Variants in ADGRG4 observed in about 807,000 individuals in gnomAD.
ADGRG4 encodes the protein adhesion G protein-coupled receptor G4, also known as G protein-coupled receptor 112.
ADGRG4 carries 122 observed loss-of-function variants against 126.2 expected under a neutral mutation model. The ratio of observed to expected loss-of-function variants is 0.97; its 90% CI spans 0.83 to 1.12. The LOEUF is 1.12. Among genes scored for constraint, ADGRG4 ranks in the 50% most tolerant of loss-of-function variants. The pLI is 0.00. For synonymous variants in ADGRG4, 943 were observed against 838.7 expected (o/e 1.12, Z -2.15); for missense variants, 2,481 against 2,251.8 (o/e 1.10, Z -2.06).
At chrX:136,380,606 CTT>C (rs1415870534) in intron 15 of ADGRG4, among the ~76,000 whole-genome samples, 90 of 43,611 alleles carry the variant, frequency 2.1e-3, no homozygotes, top group Admixed American at 5.8e-3. Flanking sequence ...TCCTCCTCCT[CTT>C]CTTCTTCTTC....
At chrX:136,414,432 T>C (rs1364277594) in intron 25 of ADGRG4, 105 bp downstream of exon 25, 2 of 636,209 alleles carry the variant, frequency 3.1e-6, no homozygotes, top group Non-Finnish European at 4.9e-6. Context: ...CAAAACTAAA[T>C]GCACATGTGC....
rs768308325 is a variant in ADGRG4 at position 136,315,608 on chromosome X, C to A, written c.70+6761C>A. On this transcript the variant is annotated intron_variant, in intron 4 of 25. Transcript: ENST00000394143. ...GTATTACCAGGTGATTAGCTGGGTT[C>A]TGAGCCCTACACAGTGTTGAGTCAA... Among the ~76,000 whole-genome samples the A allele has an allele frequency of 2.7e-5, 3 of 111,564 alleles. No individual in the cohort carries two copies. The East Asian group carries it at 8.5e-4, about 31-fold the overall frequency.
At chrX:136,395,891 T>C (rs2075344415) in intron 19 of ADGRG4, among the ~76,000 whole-genome samples, 1 of 112,086 alleles carries the variant, frequency 8.9e-6, no homozygotes, top group Admixed American at 9.5e-5. Context: ...ATTGCACAAC[T>C]TTCAGGCAAA....
chrX:136,346,484 A>T lies in ADGRG4; in HGVS notation c.2778A>T (p.Glu926Asp). 8.3e-7 allele frequency: 1 copy of T among 1,210,608 alleles called. No homozygotes were observed. The highest frequency in any genetic ancestry group is 1.1e-6 in the Non-Finnish European group (1 of 894,606). Residue 926 changes from glutamate (E) to aspartate (D), a missense_variant, in exon 6 of 26, where the codon GAA becomes GAT. Transcript: ENST00000394143. ...VKTTPRSSYN[E>D]MTEMFNFNHT... Reference sequence around the variant, plus strand: ...CCACACCTAGGAGTTCATACAATGAAATGACAGAAATGTTTAATTTTAACC... The same window carrying T: ...CCACACCTAGGAGTTCATACAATGATATGACAGAAATGTTTAATTTTAACC...
chrX:136,341,786 C>T (rs2074980637), intron 5 of ADGRG4, among the ~76,000 whole-genome samples: 1 of 111,737 alleles, frequency 8.9e-6, no homozygotes, highest in Non-Finnish European at 1.9e-5. Flanking sequence ...CTAATGACCA[C>T]AAAATCCTGA....
intron 10 of ADGRG4, among the ~76,000 whole-genome samples, 162 bp from the exon 11 acceptor site, chrX:136,359,130 T>A (rs763354791): frequency 1.8e-5 from 2 of 112,938 alleles, no homozygotes; most frequent in South Asian, 7.3e-4. Context: ...TTCAGTATGC[T>A]GTCTTCCATC....
rs750586223 is a variant in ADGRG4 at position 136,380,544 on chromosome X, C to CTCT, written c.7777-7175_7777-7173dup. ...CTGCTGCTGCTGCCTCCTCCTCCTC[C>CTCT]TCTTCTTCTTCTTCTTCTTCTTCCT... On this transcript the variant is annotated intron_variant, in intron 15 of 25. Transcript: ENST00000394143. Among the ~76,000 whole-genome samples the CTCT allele has an allele frequency of 1.8e-3, 191 of 103,439 alleles. 1 individual carries two copies. The highest frequency in any genetic ancestry group is 5.5e-3 in the African/African-American group (157 of 28,344). The allele number at this position is 103,439 out of a possible 115,157, so 89.8% of individuals were successfully genotyped here.
chrX:136,342,921 T>TGAGAGAGA (rs1556006930), intron 5 of ADGRG4, among the ~76,000 whole-genome samples: 138 of 84,303 alleles, frequency 1.6e-3, no homozygotes, highest in African/African-American at 5.6e-3. Context: ...TGTGTGTGTG[T>TGAGAGAGA]GAGAGAGAGA....
rs1424711651 is a variant in ADGRG4 at position 136,403,293 on chromosome X, G to A, written c.8625G>A (p.Leu2875=). 4 of 1,207,159 alleles carry A rather than the reference G, an allele frequency of 3.3e-6. No homozygotes were observed. The highest frequency in any genetic ancestry group is 4.5e-6 in the Non-Finnish European group (4 of 892,518). Residue 2875 remains leucine, a synonymous_variant, in exon 22 of 26, where the codon CTG becomes CTA. Transcript: ENST00000394143. ...VAITVSVKKD[L]YGTLSPTTPF... ...TCACAGTCAGTGTGAAAAAAGATCTGTATGGAACTCTGAGCCCAACAACTC... is the reference window on the plus strand; with the variant it reads ...TCACAGTCAGTGTGAAAAAAGATCTATATGGAACTCTGAGCCCAACAACTC...
chrX:136,373,435 G>C (rs1349346146), intron 15 of ADGRG4, among the ~76,000 whole-genome samples: 1 of 111,894 alleles, frequency 8.9e-6, no homozygotes, highest in Non-Finnish European at 1.9e-5. Context: ...GACTAAGCCA[G>C]GATTGAAACC....
Position 136,346,531 on chromosome X carries a change from C to A in ADGRG4, c.2825C>A (p.Thr942Asn), listed in dbSNP as rs1251645224. Residue 942 changes from threonine (T) to asparagine (N), a missense_variant, in exon 6 of 26, where the codon ACT becomes AAT. Coordinates refer to ENST00000394143, the MANE Select transcript of ADGRG4 (RefSeq NM_153834.4). The stretch of plus-strand genomic sequence containing the variant: ...AACCACACCTATGTAGCACATTGGA[C>A]TTCAGAGACATCTGAGGGAATTTCA... The part of the protein sequence containing the change: ...NFNHTYVAHW[T>N]SETSEGISAG... 10 of 1,207,273 alleles carry A rather than the reference C, an allele frequency of 8.3e-6. No individual in the cohort carries two copies. Among genetic ancestry groups the A allele is most frequent in the Middle Eastern group, 4.6e-4 (2 of 4,357 alleles).
At chrX:136,412,665 G>A (rs1442147002) in intron 24 of ADGRG4, among the ~76,000 whole-genome samples, 1 of 112,460 alleles carries the variant, frequency 8.9e-6, no homozygotes, top group East Asian at 2.8e-4. Flanking sequence ...CGTGCCTACT[G>A]TGTTCCAGGC....
chrX:136,396,218 T>G (rs2075345986), intron 19 of ADGRG4, among the ~76,000 whole-genome samples: 1 of 109,616 alleles, frequency 9.1e-6, no homozygotes, highest in East Asian at 2.8e-4. Flanking sequence ...TGTATTCCTT[T>G]TTCTCTACCC....
chrX:136,404,544 C>A (rs1672439214), intron 22 of ADGRG4, among the ~76,000 whole-genome samples: 1 of 112,022 alleles, frequency 8.9e-6, no homozygotes, highest in South Asian at 3.7e-4. Flanking sequence ...CCCCTAGCTA[C>A]CCAGTTTCCC....
intron 5 of ADGRG4, among the ~76,000 whole-genome samples, chrX:136,333,950 T>G (rs903475889): frequency 8.9e-6 from 1 of 111,768 alleles, no homozygotes; most frequent in African/African-American, 3.2e-5. Flanking sequence ...TAGCCCTAGA[T>G]CCCAAAGATT....
At chrX:136,380,048 C>A (rs905143150) in intron 15 of ADGRG4, among the ~76,000 whole-genome samples, 6 of 109,771 alleles carry the variant, frequency 5.5e-5, no homozygotes. Flanking sequence ...TGGAAATGTT[C>A]TAAAATTGAT....
intron 4 of ADGRG4, among the ~76,000 whole-genome samples, chrX:136,317,208 A>G (rs1469018539): frequency 9.0e-6 from 1 of 111,378 alleles, no homozygotes; most frequent in Non-Finnish European, 1.9e-5. Flanking sequence ...CTTAGAAATG[A>G]CACCAAAAGC....
Position 136,346,374 on chromosome X carries a change from A to G in ADGRG4, c.2668A>G (p.Ile890Val). ...ASVTVSSFPD[I>V]EKLSTPLDNK... ...TGTCACTGTTTCCTCTTTTCCTGATATAGAAAAGCTAAGTACCCCATTGGA... is the reference window on the plus strand; with the variant it reads ...TGTCACTGTTTCCTCTTTTCCTGATGTAGAAAAGCTAAGTACCCCATTGGA... Residue 890 changes from isoleucine to valine, a missense_variant, in exon 6 of 26, where the codon ATA becomes GTA. By Grantham distance (29) the Ile-to-Val change is conservative (BLOSUM62 3). Coordinates refer to ENST00000394143, the MANE Select transcript of ADGRG4 (RefSeq NM_153834.4). 14 of 1,208,718 alleles carry G rather than the reference A, an allele frequency of 1.2e-5. No individual in the cohort carries two copies. The highest frequency in any genetic ancestry group is 1.6e-5 in the Non-Finnish European group (14 of 893,315).
chrX:136,321,575 A>G (rs745816597), intron 4 of ADGRG4, among the ~76,000 whole-genome samples: 5 of 111,501 alleles, frequency 4.5e-5, no homozygotes, highest in Non-Finnish European at 9.4e-5. Context: ...TACAGTTCCA[A>G]TTCTGCCACA....
Sources: gnomAD v4.1 joint callset for allele counts (sites outside exome capture counted in the v4.1 genomes callset) on GRCh38, gnomAD v4.1.1 for gene constraint, MANE v1.5 for transcripts, NCBI Gene and HGNC (gene_info 2026-07-23, HGNC 2026-07-21) for gene names.